NCALD: variants seen among roughly 807,000 people sequenced by gnomAD.
NCALD encodes neurocalcin delta.
In NCALD, 10 loss-of-function variants were observed where a neutral mutation model predicts 18.6. The observed-to-expected ratio is 0.54, with a 90% CI of 0.33 to 0.91. The LOEUF is 0.91. Ranked by LOEUF, NCALD falls within the 40% of genes least tolerant of loss-of-function variation. The pLI is 0.03. For synonymous variants in NCALD, 88 were observed against 87.4 expected (o/e 1.01, Z -0.04); for missense variants, 184 against 247.6 (o/e 0.74, Z 1.72).
intron 1 of NCALD, among the ~76,000 whole-genome samples, chr8:101,733,809 G>A (rs1400369339): frequency 6.6e-6 from 1 of 152,232 alleles, no homozygotes; most frequent in Non-Finnish European, 1.5e-5. Flanking sequence ...TGTGCACCCA[G>A]AGTGGACTGC....
intron 1 of NCALD, among the ~76,000 whole-genome samples, chr8:101,778,724 TCTC>T (rs1254158929): frequency 1.3e-5 from 2 of 151,996 alleles, no homozygotes; most frequent in Non-Finnish European, 2.9e-5. Context: ...AGACCTAACA[TCTC>T]CTAGAGCTAA....
At chr8:101,839,481 G>A (rs1814552483) in intron 4 of NCALD, among the ~76,000 whole-genome samples, 1 of 152,120 alleles carries the variant, frequency 6.6e-6, no homozygotes, top group South Asian at 2.1e-4. Context: ...AGAATAACCT[G>A]TGGCTCTGCC....
intron 4 of NCALD, among the ~76,000 whole-genome samples, chr8:101,826,629 G>A (rs188140615): frequency 4.3e-4 from 65 of 152,272 alleles, no homozygotes; most frequent in Non-Finnish European, 7.5e-4. Context: ...TGAATAGATC[G>A]ATTTTTAACC....
intron 1 of NCALD, among the ~76,000 whole-genome samples, chr8:102,061,916 T>C (rs1332262226): frequency 6.6e-6 from 1 of 152,240 alleles, no homozygotes. Flanking sequence ...ATGATGTTCT[T>C]ATTTTTTCAT....
chr8:101,937,362 A>T lies in NCALD; in HGVS notation c.-156-21504T>A, dbSNP rs4734601. 4.6e-5 allele frequency among the ~76,000 whole-genome samples: 7 copies of T among 151,888 alleles called. No individual in the cohort carries two copies. In the South Asian group the frequency reaches 1.3e-3, roughly 27 times the overall value. On this transcript the variant is annotated intron_variant, in intron 2 of 6. Transcript: ENST00000311028. ...CTCCCACCCTCCACCCTCAAGTAGA[A>T]CCCAGTGTCTGTTGTTCCTTTCCTT...
At chr8:102,066,023 C>T (rs1823997282) in intron 1 of NCALD, among the ~76,000 whole-genome samples, 1 of 152,076 alleles carries the variant, frequency 6.6e-6, no homozygotes, top group East Asian at 1.9e-4. Context: ...AGGATTTTTT[C>T]AGCTATTAGT....
intron 2 of NCALD, among the ~76,000 whole-genome samples, chr8:101,713,216 C>A (rs866038285): frequency 4.6e-5 from 7 of 152,116 alleles, no homozygotes; most frequent in Non-Finnish European, 7.4e-5. Context: ...TAAATAAGTC[C>A]TTTGAAACCA....
chr8:101,907,904 G>C (rs528092062), intron 3 of NCALD, among the ~76,000 whole-genome samples: 1 of 152,132 alleles, frequency 6.6e-6, no homozygotes, highest in South Asian at 2.1e-4. Context: ...TAATAGCTAC[G>C]TGCCTCTTTT....
At chr8:102,047,126 T>A (rs900220682) in intron 1 of NCALD, among the ~76,000 whole-genome samples, 11 of 151,054 alleles carry the variant, frequency 7.3e-5, no homozygotes, top group Admixed American at 2.6e-4. Context: ...AGCATTGGTG[T>A]TCCTGCAAAA....
chr8:101,872,164 A>G, intron 4 of NCALD: 3 of 1,606,256 alleles, frequency 1.9e-6, no homozygotes, highest in South Asian at 2.2e-5. Flanking sequence ...CTGATTTATC[A>G]GGGCACAGAG....
chr8:101,827,645 C>G (rs539154152), intron 4 of NCALD, among the ~76,000 whole-genome samples: 60 of 152,308 alleles, frequency 3.9e-4, no homozygotes, highest in African/African-American at 1.4e-3. Flanking sequence ...TGGAATTGTG[C>G]TATGTGATGG....
At chr8:102,110,912 T>C (rs1278487331) in intron 1 of NCALD, among the ~76,000 whole-genome samples, 2 of 152,108 alleles carry the variant, frequency 1.3e-5, no homozygotes, top group African/African-American at 4.8e-5. Context: ...CAATAAAACA[T>C]TGTCTACAAA....
chr8:102,095,097 G>C (rs16869081), intron 1 of NCALD, among the ~76,000 whole-genome samples: 1 of 152,158 alleles, frequency 6.6e-6, no homozygotes, highest in Non-Finnish European at 1.5e-5. Context: ...AGCCTGCCTT[G>C]GCTTTAGCAA....
At chr8:102,108,703 T>C (rs1232284661) in intron 1 of NCALD, among the ~76,000 whole-genome samples, 4 of 152,108 alleles carry the variant, frequency 2.6e-5, no homozygotes, top group African/African-American at 9.7e-5. Flanking sequence ...ACATCTGACA[T>C]AGTGCCTTGG....
chr8:101,982,340 T>C (rs1820650704), intron 2 of NCALD, among the ~76,000 whole-genome samples: 1 of 152,332 alleles, frequency 6.6e-6, no homozygotes, highest in African/African-American at 2.4e-5. Flanking sequence ...CAACTCCTTT[T>C]GGATATTAGG....
At chr8:101,936,974 GT>G (rs1233989292) in intron 2 of NCALD, among the ~76,000 whole-genome samples, 2 of 152,074 alleles carry the variant, frequency 1.3e-5, no homozygotes, top group African/African-American at 4.8e-5. Context: ...CTGACTTAAA[GT>G]TTGGCTTATT....
At chr8:101,819,204 T>C (rs191601780) in intron 4 of NCALD, among the ~76,000 whole-genome samples, 25 of 152,096 alleles carry the variant, frequency 1.6e-4, no homozygotes, top group African/African-American at 6.0e-4. Context: ...GAATATACCA[T>C]TTTCCCACAG....
At chr8:101,757,312 A>G (rs1301323793) in intron 1 of NCALD, among the ~76,000 whole-genome samples, 1 of 152,192 alleles carries the variant, frequency 6.6e-6, no homozygotes, top group East Asian at 1.9e-4. Flanking sequence ...CTGAACATTC[A>G]AGGTGCTATG....
Position 101,978,396 on chromosome 8 carries a change from C to T in NCALD, c.-157+41841G>A, listed in dbSNP as rs531956648. 9.2e-5 allele frequency among the ~76,000 whole-genome samples: 14 copies of T among 152,288 alleles called. No individual in the cohort carries two copies. The South Asian group carries it at 2.9e-3, about 32-fold the overall frequency. ...ACACGGATTAAGGGTCAGATCCTGT[C>T]CTAAGTGCTTTACATAAATTGTATT... On this transcript the variant is annotated intron_variant, in intron 2 of 6. Coordinates refer to the NCALD transcript ENST00000311028.
Sources: gnomAD v4.1 joint callset for allele counts (sites outside exome capture counted in the v4.1 genomes callset) on GRCh38, gnomAD v4.1.1 for gene constraint, MANE v1.5 for transcripts, NCBI Gene and HGNC (gene_info 2026-07-23, HGNC 2026-07-21) for gene names.